ZNF257: variants seen among roughly 807,000 people sequenced by gnomAD.
ZNF257 encodes the protein bone marrow zinc finger 4.
Under a neutral mutation model 11.9 loss-of-function variants are expected in ZNF257, and 12 were observed. That is an observed-to-expected ratio of 1.01 (90% CI 0.65 to 1.63). The LOEUF (loss-of-function observed/expected upper bound fraction) is 1.63. ZNF257 is among the 40% of genes most tolerant of loss of function. The probability of loss-of-function intolerance (pLI) is 0.00; values close to 1 mark genes in which losing one functional copy is unlikely to be tolerated. For missense variants in ZNF257, 580 were observed against 665.5 expected (o/e 0.87, Z 1.41); for synonymous variants, 183 against 222.7 (o/e 0.82, Z 1.59).
intron 1 of ZNF257, among the ~76,000 whole-genome samples, chr19:22,069,685 CAGA>C (rs1420688703): frequency 2.6e-5 from 4 of 152,250 alleles, no homozygotes; most frequent in Non-Finnish European, 4.4e-5. Flanking sequence ...TGTTTATGGA[CAGA>C]AGAATTGTTA....
chr19:22,064,560 GT>G (rs1004995224), intron 1 of ZNF257, among the ~76,000 whole-genome samples: 1 of 151,992 alleles, frequency 6.6e-6, no homozygotes, highest in Non-Finnish European at 1.5e-5. Context: ...ATACTGAGTA[GT>G]TTTTTTTAAC....
intron 3 of ZNF257, among the ~76,000 whole-genome samples, 157 bp downstream of exon 3, chr19:22,073,721 C>T (rs1270903249): frequency 6.6e-6 from 1 of 152,000 alleles, no homozygotes; most frequent in Non-Finnish European, 1.5e-5. Flanking sequence ...TTTGCTCTCA[C>T]ATAGGGACAT....
chr19:22,083,238 C>T (rs779006023), intron 3 of ZNF257, among the ~76,000 whole-genome samples: 2 of 151,942 alleles, frequency 1.3e-5, no homozygotes, highest in African/African-American at 4.8e-5. Flanking sequence ...GGGAGGGCGA[C>T]GTGGGTGGAT....
chr19:22,088,671 G>A lies in ZNF257; in HGVS notation c.921G>A (p.Lys307=), dbSNP rs375104730. The part of the protein sequence containing the change: ...SSALTTLTQH[K]RIHTGEKPYK... ...CTCTTACTACCCTTACTCAACATAA[G>A]AGAATTCATACTGGAGAGAAACCCT... The change falls in exon 4 of 4, where the codon AAG becomes AAA. Residue 307 remains lysine, a synonymous_variant. Coordinates refer to ENST00000594947, the MANE Select transcript of ZNF257 (RefSeq NM_033468.4). The A allele has an allele frequency of 2.5e-5, 41 of 1,613,248 alleles. No individual in the cohort carries two copies. The highest frequency in any genetic ancestry group is 3.4e-5 in the Non-Finnish European group (40 of 1,179,806).
chr19:22,066,630 T>A (rs1027610677), intron 1 of ZNF257, among the ~76,000 whole-genome samples: 1 of 152,196 alleles, frequency 6.6e-6, no homozygotes, highest in Admixed American at 6.5e-5. Context: ...CAACCATTTT[T>A]GTAGAAGAGT....
intron 3 of ZNF257, among the ~76,000 whole-genome samples, chr19:22,086,912 T>A (rs1229214305): frequency 1.3e-5 from 2 of 151,912 alleles, no homozygotes; most frequent in Non-Finnish European, 2.9e-5. Context: ...ATATCTTGTA[T>A]GTGTATTTTT....
intron 1 of ZNF257, among the ~76,000 whole-genome samples, chr19:22,062,131 C>A (rs1005273415): frequency 2.0e-5 from 3 of 148,046 alleles, no homozygotes; most frequent in African/African-American, 2.5e-5. Context: ...CATGGTGTTG[C>A]CTCACTGCAA....
chr19:22,063,860 C>G (rs2145692045), intron 1 of ZNF257, among the ~76,000 whole-genome samples: 1 of 152,218 alleles, frequency 6.6e-6, no homozygotes, highest in Middle Eastern at 3.4e-3. Flanking sequence ...CTGTAGATAT[C>G]CATTAGGACT....
chr19:22,069,686 A>G (rs2022050673), intron 1 of ZNF257, among the ~76,000 whole-genome samples: 1 of 152,268 alleles, frequency 6.6e-6, no homozygotes, highest in African/African-American at 2.4e-5. Context: ...GTTTATGGAC[A>G]GAAGAATTGT....
At chr19:22,064,871 T>A (rs1292530818) in intron 1 of ZNF257, among the ~76,000 whole-genome samples, 1 of 151,986 alleles carries the variant, frequency 6.6e-6, no homozygotes, top group Non-Finnish European at 1.5e-5. Flanking sequence ...CTGGCCAACA[T>A]GGCGAAACCC....
At position 22,088,365 on chromosome 19, in the gene ZNF257, A is replaced by C. The variant is rs2022529792; in HGVS notation, c.615A>C (p.Glu205Asp). 3 of 1,613,568 alleles carry C rather than the reference A, an allele frequency of 1.9e-6. No homozygotes were observed. Among genetic ancestry groups the C allele is most frequent in the Non-Finnish European group, 2.5e-6 (3 of 1,179,804 alleles). The change falls in exon 4 of 4, where the codon GAA becomes GAC. Residue 205 changes from glutamate (E) to aspartate (D), a missense_variant. Physicochemically the swap from Glu to Asp is conservative, Grantham distance 45. Transcript: ENST00000594947. ...GAGAGAATTCCCACAAATGTGAAGA[A>C]TGTGGCAAAGCCTTTAACCAGTCCT... ...HIRENSHKCE[E>D]CGKAFNQSSA...
chr19:22,052,742 C>A, intron 1 of ZNF257, 107 bp downstream of exon 1: 1 of 1,380,522 alleles, frequency 7.2e-7, no homozygotes, highest in Admixed American at 1.8e-5. Context: ...GCCCTACCAT[C>A]TGCGCCCGAG....
Position 22,089,218 on chromosome 19 carries a change from G to A in ZNF257, c.1468G>A (p.Glu490Lys), listed in dbSNP as rs190426879. The change falls in exon 4 of 4, where the codon GAA becomes AAA. Residue 490 changes from glutamate (E) to lysine (K), a missense_variant. Transcript: ENST00000594947. ...TACTGGGGAGAAGCCCTACAAATGTGAAGAATGTGGCAAAGCCTTTAACCG... is the reference window on the plus strand; with the variant it reads ...TACTGGGGAGAAGCCCTACAAATGTAAAGAATGTGGCAAAGCCTTTAACCG... The part of the protein sequence containing the change: ...IHTGEKPYKC[E>K]ECGKAFNRSS... 239 of 1,613,692 alleles carry A rather than the reference G, an allele frequency of 1.5e-4. 2 individuals are homozygous for A. In the African/African-American group the frequency reaches 3.0e-3, roughly 21 times the overall value.
At chr19:22,075,900 G>A (rs931631493) in intron 3 of ZNF257, 4 of 152,038 alleles carry the variant, frequency 2.6e-5, no homozygotes, top group African/African-American at 9.7e-5. Context: ...TGTCAGGGAT[G>A]GCCAACAAAT....
At chr19:22,055,563 T>C (rs1374879978) in intron 1 of ZNF257, among the ~76,000 whole-genome samples, 1 of 152,006 alleles carries the variant, frequency 6.6e-6, no homozygotes, top group African/African-American at 2.4e-5. Flanking sequence ...CCCAGTTAGA[T>C]GGTATAAGAG....
rs1465532016 is a variant in ZNF257 at position 22,088,119 on chromosome 19, T to A, written c.369T>A (p.Cys123Ter). ...AGGGCTGTAAAAGTGTGGATGAGTGTAAGGTGTGCAAAGGAGGTTATAATG... is the reference window on the plus strand; with the variant it reads ...AGGGCTGTAAAAGTGTGGATGAGTGAAAGGTGTGCAAAGGAGGTTATAATG... ...LRKGCKSVDE[C>*]KVCKGGYNGL... The change falls in exon 4 of 4, where the codon TGT becomes TGA. Residue 123 changes from cysteine (C) to a stop codon, truncating the protein, a stop_gained. Coordinates refer to ENST00000594947, the MANE Select transcript of ZNF257 (RefSeq NM_033468.4). LOFTEE classifies it low-confidence loss of function (END_TRUNC). 6 of 1,592,114 alleles carry A rather than the reference T, an allele frequency of 3.8e-6. No individual in the cohort carries two copies. The highest frequency in any genetic ancestry group is 1.4e-5 in the African/African-American group (1 of 72,624).
chr19:22,083,010 T>G (rs2022394052), intron 3 of ZNF257, among the ~76,000 whole-genome samples: 1 of 152,152 alleles, frequency 6.6e-6, no homozygotes, highest in African/African-American at 2.4e-5. Flanking sequence ...TGTATATTTG[T>G]GGTGTAGGTT....
chr19:22,070,329 A>G (rs2022071238), intron 1 of ZNF257, among the ~76,000 whole-genome samples: 1 of 150,400 alleles, frequency 6.6e-6, no homozygotes, highest in African/African-American at 2.5e-5. Flanking sequence ...GCTTTATTCT[A>G]TACATTTTAT....
intron 3 of ZNF257, among the ~76,000 whole-genome samples, chr19:22,077,268 A>C: frequency 6.6e-6 from 1 of 152,116 alleles, no homozygotes; most frequent in East Asian, 1.9e-4. Context: ...GCAGTGAGCC[A>C]TAGTTGTGCC....
Sources: gnomAD v4.1 joint callset for allele counts (sites outside exome capture counted in the v4.1 genomes callset) on GRCh38, gnomAD v4.1.1 for gene constraint, MANE v1.5 for transcripts, NCBI Gene and HGNC (gene_info 2026-07-23, HGNC 2026-07-21) for gene names.